SYN3: variants seen among roughly 807,000 people sequenced by gnomAD.
SYN3 encodes the protein synapsin III, also known as synapsin-3.
A neutral mutation model predicts 65.8 loss-of-function variants in SYN3; 35 were observed. The observed-to-expected ratio is 0.53, with a 90% CI of 0.41 to 0.70. The LOEUF is 0.70. Among genes scored for constraint, SYN3 ranks in the 30% least tolerant of loss-of-function variants. SYN3 has a pLI of 0.00. For synonymous variants in SYN3, 270 were observed against 292.9 expected (o/e 0.92, Z 0.80); for missense variants, 680 against 749.0 (o/e 0.91, Z 1.08).
intron 6 of SYN3, among the ~76,000 whole-genome samples, chr22:32,717,976 G>A (rs923344621): frequency 1.1e-4 from 16 of 152,172 alleles, no homozygotes; most frequent in Non-Finnish European, 2.1e-4. Flanking sequence ...GCTCTCTGTA[G>A]CTATTTCAGA....
intron 6 of SYN3, among the ~76,000 whole-genome samples, chr22:32,737,767 C>T (rs1360617672): frequency 6.6e-6 from 1 of 152,148 alleles, no homozygotes; most frequent in Non-Finnish European, 1.5e-5. Context: ...CACTTCCCAT[C>T]CTCCCTAGAG....
intron 3 of SYN3, among the ~76,000 whole-genome samples, chr22:32,968,472 A>G (rs2042794): frequency 0.24 from 35,814 of 152,110 alleles, 4,349 homozygotes; most frequent in Non-Finnish European, 0.27. Context: ...AAAAAGTTCA[A>G]TACATACATC....
intron 3 of SYN3, among the ~76,000 whole-genome samples, chr22:32,962,850 A>ATCTG (rs1391949230): frequency 2.0e-4 from 25 of 122,018 alleles, no homozygotes; most frequent in Middle Eastern, 4.5e-3. Context: ...CTATCTATCT[A>ATCTG]TCTGTCTGTC....
At chr22:32,966,608 G>A in intron 3 of SYN3, among the ~76,000 whole-genome samples, 1 of 152,158 alleles carries the variant, frequency 6.6e-6, no homozygotes, top group South Asian at 2.1e-4. Flanking sequence ...AGATGAGCCA[G>A]CATAAAGATT....
intron 3 of SYN3, among the ~76,000 whole-genome samples, chr22:32,964,035 G>A (rs569698465): frequency 6.6e-6 from 1 of 152,180 alleles, no homozygotes; most frequent in African/African-American, 2.4e-5. Flanking sequence ...CAGGCCCTGA[G>A]GTGGGCTGGG....
At chr22:32,973,836 C>T (rs990943161) in intron 3 of SYN3, among the ~76,000 whole-genome samples, 27 of 152,262 alleles carry the variant, frequency 1.8e-4, no homozygotes, top group African/African-American at 5.3e-4. Flanking sequence ...TTGCTCTTGT[C>T]GCACCCAGGC....
intron 6 of SYN3, among the ~76,000 whole-genome samples, chr22:32,645,151 A>C (rs2059964748): frequency 6.6e-6 from 1 of 152,192 alleles, no homozygotes; most frequent in Non-Finnish European, 1.5e-5. Flanking sequence ...GAAAATTAAG[A>C]AGGCAAGGAC....
Position 32,533,913 on chromosome 22 carries a change from C to A in SYN3, c.993-18G>T, listed in dbSNP as rs551624683. On this transcript the variant is annotated intron_variant, in intron 9 of 13. Transcript: ENST00000358763. ...GCCTGTACCTGCAGGGACAGATGGA[C>A]AGACAGTGAAGTGGCCTGGGAAAGT... The A allele has an allele frequency of 1.1e-5, 18 of 1,591,664 alleles. No individual in the cohort carries two copies. The South Asian group carries it at 1.8e-4, about 16-fold the overall frequency.
intron 1 of SYN3, among the ~76,000 whole-genome samples, chr22:33,028,841 C>T (rs866719916): frequency 3.4e-4 from 52 of 152,168 alleles, no homozygotes; most frequent in Non-Finnish European, 6.2e-4. Context: ...GAGATCGAGA[C>T]CATCCTGGCT....
chr22:32,533,941 G>A, intron 9 of SYN3, 46 bp from the exon 10 acceptor site: 1 of 1,393,722 alleles, frequency 7.2e-7, no homozygotes, highest in South Asian at 1.2e-5. Context: ...GGGAAAGTGG[G>A]GAAGCGGGTA....
intron 7 of SYN3, among the ~76,000 whole-genome samples, chr22:32,547,782 C>A (rs982208154): frequency 6.6e-6 from 1 of 152,184 alleles, no homozygotes; most frequent in Non-Finnish European, 1.5e-5. Flanking sequence ...ATGGGAAAGT[C>A]ATCTACATAC....
intron 3 of SYN3, among the ~76,000 whole-genome samples, chr22:32,969,397 A>G (rs113256268): frequency 1.3e-5 from 2 of 152,228 alleles, no homozygotes; most frequent in African/African-American, 4.8e-5. Flanking sequence ...TCCTTTGGCT[A>G]TCAGCTATGG....
chr22:32,609,323 A>G (rs1308227906), intron 6 of SYN3, among the ~76,000 whole-genome samples: 1 of 152,098 alleles, frequency 6.6e-6, no homozygotes, highest in Non-Finnish European at 1.5e-5. Flanking sequence ...CTCTGTCTCA[A>G]TAAATGAATA....
intron 6 of SYN3, chr22:32,833,914 TATTGTAATC>T (rs2047652839): frequency 2.0e-6 from 1 of 496,662 alleles, no homozygotes; most frequent in Admixed American, 2.0e-5. Flanking sequence ...TTAGAATTAG[TATTGTAATC>T]ATTGACAATA....
At chr22:32,704,633 G>T (rs922439535) in intron 6 of SYN3, among the ~76,000 whole-genome samples, 2 of 152,148 alleles carry the variant, frequency 1.3e-5, no homozygotes, top group Non-Finnish European at 2.9e-5. Context: ...GCTCTTTGAG[G>T]AATCATCACA....
At chr22:32,786,384 C>A (rs2046194261) in intron 6 of SYN3, among the ~76,000 whole-genome samples, 1 of 145,308 alleles carries the variant, frequency 6.9e-6, no homozygotes, top group Non-Finnish European at 1.5e-5. Context: ...GCAACTTATT[C>A]TTTTTTTTTT....
chr22:32,735,523 TTTTGTTTG>T (rs143760247), intron 6 of SYN3, among the ~76,000 whole-genome samples: 8 of 151,920 alleles, frequency 5.3e-5, no homozygotes, highest in East Asian at 1.9e-4. Context: ...TTGTTTTGTT[TTTTGTTTG>T]TTTGTTTGTT....
At chr22:32,536,370 G>A (rs1405185667) in intron 9 of SYN3, among the ~76,000 whole-genome samples, 1 of 152,242 alleles carries the variant, frequency 6.6e-6, no homozygotes, top group African/African-American at 2.4e-5. Flanking sequence ...CCAGGGGCTG[G>A]TTCTGGATTA....
chr22:33,013,705 G>A (rs2053403793), intron 1 of SYN3, among the ~76,000 whole-genome samples: 1 of 152,042 alleles, frequency 6.6e-6, no homozygotes, highest in African/African-American at 2.4e-5. Flanking sequence ...CTCTCTGACC[G>A]ACATGTCCGC....
Sources: allele counts gnomAD v4.1 joint callset (sites outside exome capture counted in the v4.1 genomes callset), GRCh38; gene constraint gnomAD v4.1.1; transcripts MANE v1.5; gene names NCBI Gene and HGNC (gene_info 2026-07-23, HGNC 2026-07-21).